Variants in PCNX1 observed in about 807,000 individuals in gnomAD.
PCNX1 encodes pecanex 1.
PCNX1 carries 78 observed loss-of-function variants against 242.2 expected under a neutral mutation model. That is an observed-to-expected ratio of 0.32 (90% CI 0.27 to 0.39). The LOEUF (loss-of-function observed/expected upper bound fraction) is 0.39, where lower values mean the gene tolerates loss of function less well. Among genes scored for constraint, PCNX1 ranks in the 10% least tolerant of loss-of-function variants. The probability of loss-of-function intolerance (pLI) is 1.00; values close to 1 mark genes in which losing one functional copy is unlikely to be tolerated. For synonymous variants in PCNX1, 1,024 were observed against 1,032.9 expected (o/e 0.99, Z 0.17); for missense variants, 2,581 against 2,856.5 (o/e 0.90, Z 2.20).
chr14:70,953,042 A>T (rs1466419415), intron 2 of PCNX1, among the ~76,000 whole-genome samples: 1 of 152,166 alleles, frequency 6.6e-6, no homozygotes, highest in East Asian at 1.9e-4. Flanking sequence ...GAGAGATGGG[A>T]GGACAGCTTG....
intron 2 of PCNX1, among the ~76,000 whole-genome samples, chr14:70,949,312 T>C (rs1488455729): frequency 7.6e-6 from 1 of 131,818 alleles, no homozygotes; most frequent in East Asian, 3.2e-4. Flanking sequence ...CATATGTGTG[T>C]AGATACACAC....
intron 10 of PCNX1, 142 bp from the exon 11 acceptor site, chr14:71,012,843 A>G (rs2059860735): frequency 1.6e-6 from 1 of 607,202 alleles, no homozygotes; most frequent in Non-Finnish European, 2.9e-6. Context: ...AAAAAAGTGT[A>G]TGAGAGAAGA....
chr14:70,978,237 C>A lies in PCNX1; in HGVS notation c.1900C>A (p.Gln634Lys), dbSNP rs778858905. ...TTCTAGCACCACTTCTCATTCCTGT[C>A]AGTCTCCTGAGGGCAGATACAGTGC... The part of the protein sequence containing the change: ...SSSSTTSHSC[Q>K]SPEGRYSALK... The change falls in exon 6 of 36, where the codon CAG becomes AAG. Residue 634 changes from glutamine (Q) to lysine (K), a missense_variant. By Grantham distance (53) the Gln-to-Lys change is moderately conservative (BLOSUM62 1). Around this residue, in one of 9 missense-constraint regions of PCNX1, gnomAD observed 1,204 missense variants for 1,216.7 expected, o/e 0.99. Coordinates refer to ENST00000304743, the MANE Select transcript of PCNX1 (RefSeq NM_014982.3). 17 of 1,614,094 alleles carry A rather than the reference C, an allele frequency of 1.1e-5. 1 individual carries two copies. The South Asian group carries it at 1.8e-4, about 17-fold the overall frequency.
intron 18 of PCNX1, 79 bp from the exon 19 acceptor site, chr14:71,035,986 C>A: frequency 1.1e-6 from 1 of 922,600 alleles, no homozygotes; most frequent in Non-Finnish European, 1.7e-6. Context: ...AATTCTTAAA[C>A]TTTGCCAATT....
chr14:71,109,464 A>T lies in PCNX1; in HGVS notation c.6757A>T (p.Ser2253Cys). 6.2e-7 allele frequency: 1 copy of T among 1,612,052 alleles called. No individual in the cohort carries two copies. Among genetic ancestry groups the T allele is most frequent in the Non-Finnish European group, 8.5e-7 (1 of 1,178,858 alleles). ...ATTTACCATGTAGATTGTGGATCCCAGTCAAATTCTGGAAGGGATCAACCT... is the reference window on the plus strand; with the variant it reads ...ATTTACCATGTAGATTGTGGATCCCTGTCAAATTCTGGAAGGGATCAACCT... ...VIYRVQIVDP[S>C]QILEGINLSK... Residue 2253 changes from serine to cysteine, a missense_variant, in exon 35 of 36, where the codon AGT becomes TGT. Physicochemically the swap from Ser to Cys is moderately radical, Grantham distance 112. Transcript: ENST00000304743.
intron 2 of PCNX1, among the ~76,000 whole-genome samples, chr14:70,958,649 A>C (rs1004047653): frequency 6.6e-6 from 1 of 152,136 alleles, no homozygotes; most frequent in Non-Finnish European, 1.5e-5. Context: ...TCCAGGCCTT[A>C]AGTCTCAACA....
At chr14:70,981,992 C>T (rs1382505673) in intron 6 of PCNX1, among the ~76,000 whole-genome samples, 2 of 152,002 alleles carry the variant, frequency 1.3e-5, no homozygotes, top group Non-Finnish European at 2.9e-5. Flanking sequence ...AGTCACTATT[C>T]TGTAAGCATG....
At position 70,962,260 on chromosome 14, in the gene PCNX1, A is replaced by T. The variant is rs749412765; in HGVS notation, c.397A>T (p.Ile133Phe). Residue 133 changes from isoleucine (I) to phenylalanine (F), a missense_variant, in exon 3 of 36, where the codon ATC becomes TTC. Ile to Phe is a conservative substitution (Grantham distance 21). Transcript: ENST00000304743. ...PGGGIEMSEF[I>F]REATPPVGCS... ...TGGAGGGATTGAAATGTCTGAGTTC[A>T]TCCGAGAGGCCACACCCCCAGTTGG... The T allele has an allele frequency of 3.5e-5, 56 of 1,613,298 alleles. No individual in the cohort carries two copies. The highest frequency in any genetic ancestry group is 4.5e-5 in the Non-Finnish European group (53 of 1,179,410).
chr14:71,028,678 AC>A, intron 15 of PCNX1, 21 bp from the exon 16 acceptor site: 2 of 1,434,634 alleles, frequency 1.4e-6, no homozygotes, highest in Non-Finnish European at 1.9e-6. Flanking sequence ...AATGTTTCTT[AC>A]CTTTTCCTTT....
At chr14:70,983,489 G>A (rs958102921) in intron 6 of PCNX1, among the ~76,000 whole-genome samples, 2 of 152,132 alleles carry the variant, frequency 1.3e-5, no homozygotes, top group African/African-American at 4.8e-5. Flanking sequence ...ATTTTTAGTA[G>A]AGATGGGGTT....
chr14:71,080,139 C>T (rs1018834352), intron 28 of PCNX1, among the ~76,000 whole-genome samples: 1 of 152,152 alleles, frequency 6.6e-6, no homozygotes, highest in African/African-American at 2.4e-5. Context: ...ATCCTTTCCC[C>T]ATTGTCTTGT....
intron 1 of PCNX1, among the ~76,000 whole-genome samples, chr14:70,944,181 C>T (rs1455494171): frequency 6.6e-6 from 1 of 152,082 alleles, no homozygotes; most frequent in East Asian, 1.9e-4. Context: ...AATGGTAGAT[C>T]CAACAGCTTG....
chr14:70,913,806 C>A lies in PCNX1; in HGVS notation c.153+5803C>A, dbSNP rs564696526. Among the ~76,000 whole-genome samples the A allele has an allele frequency of 2.6e-5, 4 of 152,218 alleles. No homozygotes were observed. The South Asian group carries it at 8.3e-4, about 32-fold the overall frequency. On this transcript the variant is annotated intron_variant, in intron 1 of 35. Transcript: ENST00000304743. Reference sequence around the variant, plus strand: ...TTTATATTTCTCTAAAAGTTTAGATCAAGCTAGAAAAGTTACTGTGCTATA... The same window carrying A: ...TTTATATTTCTCTAAAAGTTTAGATAAAGCTAGAAAAGTTACTGTGCTATA...
At chr14:70,926,495 T>C in intron 1 of PCNX1, among the ~76,000 whole-genome samples, 1 of 152,230 alleles carries the variant, frequency 6.6e-6, no homozygotes, top group East Asian at 1.9e-4. Context: ...ATTGGCTGCA[T>C]GTTTCAAGGA....
chr14:71,104,922 C>CA lies in PCNX1; in HGVS notation c.6096-300dup, dbSNP rs76844609. Among the ~76,000 whole-genome samples the CA allele has an allele frequency of 4.6e-3, 660 of 142,762 alleles. 2 individuals carry two copies. The highest frequency in any genetic ancestry group is 0.015 in the African/African-American group (588 of 38,878). 93.7% of individuals were successfully genotyped at this position (142,762 alleles called of 152,430 possible). ...GCCTGGTGACAGCGAGACTCCGTCT[C>CA]AAAAAAAAAAAAATTCCATTTCCAG... On this transcript the variant is annotated intron_variant, in intron 32 of 35. Coordinates refer to ENST00000304743, the MANE Select transcript of PCNX1 (RefSeq NM_014982.3).
chr14:71,002,845 C>T (rs2059543989), intron 8 of PCNX1, among the ~76,000 whole-genome samples: 1 of 152,122 alleles, frequency 6.6e-6, no homozygotes, highest in South Asian at 2.1e-4. Context: ...TACATCCCCA[C>T]CACCAAATTC....
At chr14:71,021,463 G>A (rs910066687) in intron 12 of PCNX1, among the ~76,000 whole-genome samples, 14 of 152,112 alleles carry the variant, frequency 9.2e-5, no homozygotes, top group Non-Finnish European at 2.1e-4. Flanking sequence ...TCTCCTTGAA[G>A]AGAAGCCCTC....
In PCNX1 at chr14:70,924,251, A is replaced by T. The variant is rs570131066; in HGVS notation, c.153+16248A>T. On this transcript the variant is annotated intron_variant, in intron 1 of 35. Coordinates refer to ENST00000304743, the MANE Select transcript of PCNX1 (RefSeq NM_014982.3). ...TGTCTCAAAAAAAAAAAAAAAAAAG[A>T]AAAAGAAAAAACAGAAAAAAACCTA... 3.1e-4 allele frequency among the ~76,000 whole-genome samples: 46 copies of T among 147,314 alleles called. 1 individual carries two copies. In the East Asian group the frequency reaches 6.3e-3, roughly 20 times the overall value.
rs993748922 is a variant in PCNX1 at position 71,113,283 on chromosome 14, A to G, written c.*3348A>G. ...GTATTTTGGAAAATATTTCAAGTAT[A>G]TCTGAACTACTTATAATTCTTAAAA... is the stretch of plus-strand genomic sequence containing the variant. On this transcript the variant is annotated 3_prime_UTR_variant, in exon 36 of 36. Transcript: ENST00000304743. 5.2e-5 allele frequency: 8 copies of G among 152,398 alleles called. No individual in the cohort carries two copies. The highest frequency in any genetic ancestry group is 2.0e-4 in the Admixed American group (3 of 15,282). The allele number at this position is 152,398 out of a possible 1,614,324, so 9.4% of individuals were successfully genotyped here.
Sources: gnomAD v4.1 joint callset for allele counts (sites outside exome capture counted in the v4.1 genomes callset) on GRCh38, gnomAD v4.1.1 for gene constraint, gnomAD v4.1.1 regional missense constraint, MANE v1.5 for transcripts, NCBI Gene and HGNC (gene_info 2026-07-23, HGNC 2026-07-21) for gene names.